The following DPP6 variants were observed in gnomAD, a reference collection of about 807,000 sequenced individuals.
DPP6 encodes dipeptidyl peptidase like 6.
Under a neutral mutation model 122.6 loss-of-function variants are expected in DPP6, and 69 were observed. The ratio of observed to expected loss-of-function variants is 0.56; its 90% CI spans 0.46 to 0.69. The LOEUF (loss-of-function observed/expected upper bound fraction) is 0.69. Among genes scored for constraint, DPP6 ranks in the 30% least tolerant of loss-of-function variants. DPP6 has a pLI of 0.00. For missense variants in DPP6, 928 were observed against 1,116.9 expected (o/e 0.83, Z 2.41); for synonymous variants, 418 against 433.1 (o/e 0.97, Z 0.43).
chr7:154,337,430 G>A (rs1426408352), intron 1 of DPP6, among the ~76,000 whole-genome samples: 1 of 152,206 alleles, frequency 6.6e-6, no homozygotes, highest in Non-Finnish European at 1.5e-5. Context: ...AAGAAGAGCA[G>A]CATTTGCCCA....
At chr7:153,932,030 A>G (rs988238483) in intron 1 of DPP6, among the ~76,000 whole-genome samples, 3 of 152,180 alleles carry the variant, frequency 2.0e-5, no homozygotes, top group African/African-American at 7.2e-5. Context: ...ATCATTTACA[A>G]ATGACGAAAG....
chr7:154,663,651 A>G (rs1468901495), intron 6 of DPP6, among the ~76,000 whole-genome samples: 1 of 49,036 alleles, frequency 2.0e-5, no homozygotes, highest in African/African-American at 4.0e-5. Flanking sequence ...ACCATGGCAT[A>G]TTGGCCATAG....
At chr7:154,651,183 A>C (rs530508650) in intron 6 of DPP6, among the ~76,000 whole-genome samples, 2 of 152,142 alleles carry the variant, frequency 1.3e-5, no homozygotes, top group African/African-American at 4.8e-5. Context: ...GCACTAGGTA[A>C]TAGCACTGCA....
intron 1 of DPP6, among the ~76,000 whole-genome samples, chr7:154,283,143 T>C (rs936967842): frequency 8.5e-5 from 13 of 152,156 alleles, no homozygotes; most frequent in African/African-American, 2.9e-4. Context: ...GCCCCAGTAA[T>C]GCAATCTGTT....
chr7:154,388,062 A>G (rs1990556), intron 1 of DPP6, among the ~76,000 whole-genome samples: 105,799 of 151,960 alleles, frequency 0.7, 37,973 homozygotes, highest in South Asian at 0.8. Flanking sequence ...ATCACTTTGG[A>G]AGACCAAGGG....
At position 154,771,363 on chromosome 7, in the gene DPP6, G is replaced by T. The variant is rs186394708; in HGVS notation, c.1039-1482G>T. 2.0e-5 allele frequency among the ~76,000 whole-genome samples: 3 copies of T among 152,330 alleles called. No individual in the cohort carries two copies. The East Asian group carries it at 5.8e-4, about 29-fold the overall frequency. ...CCGGCTGATTTGGTTCCTGGTGAGG[G>T]CTCTCTTCCTGGCTTGCAGACAGCC... On this transcript the variant is annotated intron_variant, in intron 9 of 25. Coordinates refer to ENST00000377770, the MANE Select transcript of DPP6 (RefSeq NM_130797.4).
At chr7:154,792,918 G>A (rs781196314) in intron 10 of DPP6, among the ~76,000 whole-genome samples, 9 of 152,082 alleles carry the variant, frequency 5.9e-5, no homozygotes, top group Admixed American at 2.0e-4. Context: ...CCTGCTTGCC[G>A]CTGTTCCTTC....
At chr7:154,726,988 C>T (rs1237928298) in intron 7 of DPP6, among the ~76,000 whole-genome samples, 1 of 152,146 alleles carries the variant, frequency 6.6e-6, no homozygotes, top group Non-Finnish European at 1.5e-5. Context: ...CAAACTTTCC[C>T]TCATCTCTCT....
chr7:154,194,868 G>A (rs1355764450), intron 1 of DPP6, among the ~76,000 whole-genome samples: 1 of 152,158 alleles, frequency 6.6e-6, no homozygotes. Context: ...AGAGTTTCAA[G>A]AAATATATTC....
At chr7:154,439,858 A>G (rs1303015876) in intron 1 of DPP6, among the ~76,000 whole-genome samples, 1 of 152,176 alleles carries the variant, frequency 6.6e-6, no homozygotes, top group Non-Finnish European at 1.5e-5. Context: ...GCAACTTCAG[A>G]AGTTCCCAAA....
chr7:154,687,255 C>A (rs1839671445), intron 7 of DPP6, among the ~76,000 whole-genome samples: 1 of 152,264 alleles, frequency 6.6e-6, no homozygotes, highest in East Asian at 1.9e-4. Flanking sequence ...GTAATTGAGT[C>A]TTTTTCAGTT....
Position 154,130,113 on chromosome 7 carries a change from A to G in DPP6, c.243+77050A>G, listed in dbSNP as rs570883050. ...CCCCACACACACAAAAAAAAAAGGA[A>G]AGAAAAAAAGAAAAGAAAACACAGA... On this transcript the variant is annotated intron_variant, in intron 1 of 25. Coordinates refer to ENST00000377770, the MANE Select transcript of DPP6 (RefSeq NM_130797.4). Among the ~76,000 whole-genome samples the G allele has an allele frequency of 2.6e-5, 4 of 152,100 alleles. No homozygotes were observed. The South Asian group carries it at 6.2e-4, about 24-fold the overall frequency.
At chr7:154,103,855 A>T (rs1313129975) in intron 1 of DPP6, among the ~76,000 whole-genome samples, 1 of 152,142 alleles carries the variant, frequency 6.6e-6, no homozygotes, top group Non-Finnish European at 1.5e-5. Context: ...CACTTATGCT[A>T]GTGGTTTGCC....
chr7:154,883,910 G>T lies in DPP6; in HGVS notation c.2134-1723G>T, dbSNP rs1025405491. ...ATGCTCACACACATTACATACACAT[G>T]CTCACACACGCTCACACATACACAC... is the stretch of plus-strand genomic sequence containing the variant. On this transcript the variant is annotated intron_variant, in intron 21 of 25. Transcript: ENST00000377770. The T allele has an allele frequency of 2.3e-4, 26 of 114,020 alleles. 1 individual carries two copies. The highest frequency in any genetic ancestry group is 7.7e-4 in the Admixed American group (8 of 10,340). The allele number at this position is 114,020 out of a possible 1,614,324, so 7.1% of individuals were successfully genotyped here.
intron 1 of DPP6, among the ~76,000 whole-genome samples, chr7:154,414,547 T>C (rs1228089002): frequency 6.6e-6 from 1 of 152,214 alleles, no homozygotes; most frequent in Non-Finnish European, 1.5e-5. Flanking sequence ...TACTTTCCTT[T>C]ACACATATTC....
intron 4 of DPP6, among the ~76,000 whole-genome samples, chr7:154,545,355 A>T (rs1466270150): frequency 3.3e-5 from 5 of 152,014 alleles, no homozygotes; most frequent in Admixed American, 6.5e-5. Flanking sequence ...ACATTTGGCC[A>T]ATGGTTGCCT....
intron 3 of DPP6, among the ~76,000 whole-genome samples, chr7:154,521,009 T>G (rs1219970569): frequency 2.0e-5 from 3 of 152,230 alleles, no homozygotes; most frequent in Admixed American, 2.0e-4. Context: ...ACACCTTCAG[T>G]AATACTTGTT....
chr7:154,877,793 C>T lies in DPP6; in HGVS notation c.2078+1693C>T, dbSNP rs1021991127. On this transcript the variant is annotated intron_variant, in intron 20 of 25. Coordinates refer to ENST00000377770, the MANE Select transcript of DPP6 (RefSeq NM_130797.4). The surrounding 1 kb of genome is among the most constrained non-coding windows in gnomAD (Gnocchi z 5.2). ...CAGTGAGACAGGTGCAGGCAGCCCCCCCAGAGACCAAGTGGGTCCGTCTGA... is the reference window on the plus strand; with the variant it reads ...CAGTGAGACAGGTGCAGGCAGCCCCTCCAGAGACCAAGTGGGTCCGTCTGA... 2.0e-5 allele frequency among the ~76,000 whole-genome samples: 3 copies of T among 152,230 alleles called. No homozygotes were observed. The highest frequency in any genetic ancestry group is 2.0e-4 in the Admixed American group (3 of 15,282).
At chr7:154,868,423 C>T (rs1436406585) in intron 18 of DPP6, among the ~76,000 whole-genome samples, 2 of 152,198 alleles carry the variant, frequency 1.3e-5, no homozygotes, top group Admixed American at 1.3e-4. Flanking sequence ...TCTGGAAATT[C>T]CCTTTCTGTG....
Sources: gnomAD v4.1 joint callset for allele counts (sites outside exome capture counted in the v4.1 genomes callset) on GRCh38, gnomAD v4.1.1 for gene constraint, Gnocchi (gnomAD v3.1) non-coding constraint, MANE v1.5 for transcripts, NCBI Gene and HGNC (gene_info 2026-07-23, HGNC 2026-07-21) for gene names.